CDH17: variants seen among roughly 807,000 people sequenced by gnomAD.
CDH17 encodes cadherin 17.
CDH17 carries 67 observed loss-of-function variants against 86.3 expected under a neutral mutation model. The observed-to-expected ratio is 0.78, with a 90% CI of 0.64 to 0.95. CDH17 has a LOEUF of 0.95. Ranked by LOEUF, CDH17 falls within the 40% of genes least tolerant of loss-of-function variation. CDH17 has a pLI of 0.00. For synonymous variants in CDH17, 367 were observed against 366.4 expected (o/e 1.00, Z -0.02); for missense variants, 993 against 1,017.6 (o/e 0.98, Z 0.33).
At chr8:94,180,125 A>G (rs1365638350) in intron 3 of CDH17, among the ~76,000 whole-genome samples, 1 of 152,148 alleles carries the variant, frequency 6.6e-6, no homozygotes, top group African/African-American at 2.4e-5. Context: ...TAGAAATTCT[A>G]CAGTTGACAA....
intron 5 of CDH17, 22 bp from the exon 6 acceptor site, chr8:94,174,282 GAA>G (rs34016273): frequency 2.6e-3 from 3,313 of 1,260,406 alleles, no homozygotes; most frequent in South Asian, 6.1e-3. Context: ...GACGTACCCA[GAA>G]AAAAAAAAAA....
At chr8:94,137,933 C>T (rs568902100) in intron 15 of CDH17, among the ~76,000 whole-genome samples, 23 of 152,210 alleles carry the variant, frequency 1.5e-4, no homozygotes, top group Middle Eastern at 3.4e-3. Flanking sequence ...CTTCTGTAGA[C>T]CTGATTCTGG....
intron 13 of CDH17, among the ~76,000 whole-genome samples, chr8:94,150,672 A>G (rs1197952991): frequency 6.6e-6 from 1 of 152,126 alleles, no homozygotes; most frequent in South Asian, 2.1e-4. Context: ...TTAATGGTAT[A>G]TGTATCCTTT....
At chr8:94,186,727 G>A (rs189454011) in intron 3 of CDH17, among the ~76,000 whole-genome samples, 28 of 152,288 alleles carry the variant, frequency 1.8e-4, no homozygotes, top group Admixed American at 3.9e-4. Context: ...TCCTTTTAAC[G>A]TCTAGGCTCG....
intron 1 of CDH17, chr8:94,202,928 T>G (rs2129644606): frequency 3.1e-6 from 1 of 321,020 alleles, no homozygotes; most frequent in South Asian, 2.8e-5. Flanking sequence ...GACAGGATTT[T>G]GGGCTTCCCC....
chr8:94,128,553 T>C (rs1476291980), intron 17 of CDH17, among the ~76,000 whole-genome samples: 1 of 152,186 alleles, frequency 6.6e-6, no homozygotes, highest in Non-Finnish European at 1.5e-5. Context: ...TATGTATGTA[T>C]CAAGTCCCAA....
chr8:94,162,106 G>A lies in CDH17; in HGVS notation c.1339C>T (p.Pro447Ser). ...CTCACATCTGATTTTTCAAAGATGGGGATCTGATCATTGATATCAATAACG... is the reference window on the plus strand; with the variant it reads ...CTCACATCTGATTTTTCAAAGATGGAGATCTGATCATTGATATCAATAACG... Reference protein sequence around the residue: ...INVIDINDQIPIFEKSDYGNL... With the variant: ...INVIDINDQISIFEKSDYGNL... The change falls in exon 11 of 18, where the codon CCC (proline) becomes TCC (serine). Residue 447 changes from proline (P) to serine (S), a missense_variant. Pro to Ser is a moderately conservative substitution (Grantham distance 74, BLOSUM62 -1). Coordinates refer to ENST00000027335, the MANE Select transcript of CDH17 (RefSeq NM_004063.4). 1 of 1,601,430 alleles carries A rather than the reference G, an allele frequency of 6.2e-7. No individual in the cohort carries two copies. The highest frequency in any genetic ancestry group is 1.1e-5 in the South Asian group (1 of 90,720).
intron 17 of CDH17, among the ~76,000 whole-genome samples, chr8:94,129,795 G>C (rs1313859650): frequency 6.6e-6 from 1 of 152,128 alleles, no homozygotes; most frequent in Admixed American, 6.5e-5. Context: ...GTGACAGGTT[G>C]CAGGCAAAAC....
In CDH17 at chr8:94,135,359, TATTTAG is replaced by T. The variant is rs1277373163; in HGVS notation, c.2168-4373_2168-4368del. 2.6e-5 allele frequency among the ~76,000 whole-genome samples: 4 copies of T among 152,244 alleles called. No individual in the cohort carries two copies. In the East Asian group the frequency reaches 7.7e-4, roughly 29 times the overall value. ...GGTGCTCCTGTATTAGGTGCATATATATTTAGGATAGTTAGCTCTTCTTGTTGAATT... is the reference window on the plus strand; with the variant it reads ...GGTGCTCCTGTATTAGGTGCATATATGATAGTTAGCTCTTCTTGTTGAATT... On this transcript the variant is annotated intron_variant, in intron 15 of 17. Transcript: ENST00000027335.
At chr8:94,201,976 C>G in intron 1 of CDH17, 1 of 232,238 alleles carries the variant, frequency 4.3e-6, no homozygotes, top group South Asian at 7.2e-5. Context: ...GCAGGTAGCC[C>G]TGGAGCTGAG....
chr8:94,189,344 A>G, intron 2 of CDH17, 59 bp from the exon 3 acceptor site: 1 of 1,224,668 alleles, frequency 8.2e-7, no homozygotes, highest in Non-Finnish European at 1.2e-6. Context: ...TCACTCATTG[A>G]TTTTATTAGG....
upstream of CDH17, among the ~76,000 whole-genome samples, chr8:94,209,444 C>T (rs1346060481): frequency 1.3e-5 from 2 of 152,192 alleles, no homozygotes; most frequent in African/African-American, 2.4e-5. Context: ...TTCCATTCCT[C>T]TCCAGGTGTG....
intron 15 of CDH17, among the ~76,000 whole-genome samples, chr8:94,136,454 A>T (rs899569471): frequency 1.3e-5 from 2 of 152,168 alleles, no homozygotes; most frequent in African/African-American, 4.8e-5. Flanking sequence ...TTGTGCATGC[A>T]TCACGAAGTT....
At chr8:94,185,277 A>G (rs556516192) in intron 3 of CDH17, among the ~76,000 whole-genome samples, 506 of 44,472 alleles carry the variant, frequency 0.011, 2 homozygotes, top group Middle Eastern at 0.051. Context: ...CTACCCCAAT[A>G]CACACACACA....
intron 1 of CDH17, among the ~76,000 whole-genome samples, chr8:94,195,394 G>A (rs1813763918): frequency 6.6e-6 from 1 of 152,142 alleles, no homozygotes. Context: ...AAACATATGA[G>A]ATTCCGCAAG....
chr8:94,196,931 GCTT>G (rs1372121882), intron 1 of CDH17, among the ~76,000 whole-genome samples: 13 of 152,286 alleles, frequency 8.5e-5, no homozygotes, highest in Middle Eastern at 3.4e-3. Context: ...GATTAGGCCA[GCTT>G]CTTCAAGCAC....
At chr8:94,161,546 A>G (rs1813051050) in intron 11 of CDH17, among the ~76,000 whole-genome samples, 1 of 152,136 alleles carries the variant, frequency 6.6e-6, no homozygotes, top group South Asian at 2.1e-4. Flanking sequence ...ATTTTTCTTG[A>G]GGTTCTAAAT....
chr8:94,169,109 A>G (rs1813220484), intron 9 of CDH17, among the ~76,000 whole-genome samples: 1 of 152,210 alleles, frequency 6.6e-6, no homozygotes, highest in Non-Finnish European at 1.5e-5. Context: ...GGCCCAATGT[A>G]AAAGAGGCTT....
upstream of CDH17, among the ~76,000 whole-genome samples, chr8:94,211,702 T>C (rs138644499): frequency 2.2e-3 from 340 of 152,370 alleles, 3 homozygotes; most frequent in African/African-American, 7.6e-3. Context: ...CTTTATGTGT[T>C]ACATACTACA....
Sources: allele counts gnomAD v4.1 joint callset (sites outside exome capture counted in the v4.1 genomes callset), GRCh38; gene constraint gnomAD v4.1.1; transcripts MANE v1.5; gene names NCBI Gene and HGNC (gene_info 2026-07-23, HGNC 2026-07-21).